Variants in NFKBID observed in about 807,000 individuals in gnomAD.
NFKBID encodes NF-kappa-B inhibitor delta.
NFKBID carries 26 observed loss-of-function variants against 53.4 expected under a neutral mutation model. The observed-to-expected ratio is 0.49, with a 90% CI of 0.36 to 0.68. The LOEUF (loss-of-function observed/expected upper bound fraction) is 0.68, where lower values mean the gene tolerates loss of function less well. Ranked by LOEUF, NFKBID falls within the 30% of genes least tolerant of loss-of-function variation. The probability of loss-of-function intolerance (pLI) is 0.00; values close to 1 mark genes in which losing one functional copy is unlikely to be tolerated. For missense variants in NFKBID, 493 were observed against 614.1 expected, an observed-to-expected ratio of 0.80 and a Z score of 2.08; for synonymous variants, 262 against 259.8, an observed-to-expected ratio of 1.01 and a Z score of -0.08.
At position 35,897,075 on chromosome 19, in the gene NFKBID, C is replaced by G. The variant is rs751327955; in HGVS notation, c.433-17G>C. 8.8e-6 allele frequency: 14 copies of G among 1,595,408 alleles called. No homozygotes were observed. Among genetic ancestry groups the G allele is most frequent in the Non-Finnish European group, 1.2e-5 (14 of 1,175,112 alleles). On this transcript the variant is annotated splice_polypyrimidine_tract_variant and intron_variant, in intron 4 of 11. Coordinates refer to ENST00000641389, the Ensembl canonical transcript of NFKBID. Reference sequence around the variant, plus strand: ...GGGTCCAGCCTGTGGCAGAGAAGATCCTACATAGAACTGGGTGTCTGGGGG... The same window carrying G: ...GGGTCCAGCCTGTGGCAGAGAAGATGCTACATAGAACTGGGTGTCTGGGGG...
intron 9 of NFKBID, among the ~76,000 whole-genome samples, chr19:35,890,905 C>T (rs558663686): frequency 3.7e-4 from 57 of 152,212 alleles, no homozygotes; most frequent in African/African-American, 1.3e-3. Context: ...CCCTCTTCTG[C>T]GAGCCCCACC....
intron 11 of NFKBID, 52 bp downstream of exon 11, chr19:35,889,838 C>G (rs543659605): frequency 6.5e-7 from 1 of 1,538,602 alleles, no homozygotes. Context: ...GAGGTCATCC[C>G]GCGCCCGCGA....
Position 35,896,041 on chromosome 19 carries a change from G to T in NFKBID, c.971C>A (p.Ala324Asp). The change falls in exon 9 of 12, where the codon GCC becomes GAC. Residue 324 changes from alanine (A) to aspartate (D), a missense_variant. Transcript: ENST00000641389. This position sits in a 1 kb window ranked among gnomAD's most constrained non-coding sequence, Gnocchi z 5.7. ...GTGGACACAATCCAGCCTGTCTCGGGCCTGTGTGCTCAGCACCCGGGGACA... is the reference window on the plus strand; with the variant it reads ...GTGGACACAATCCAGCCTGTCTCGGTCCTGTGTGCTCAGCACCCGGGGACA... 6.2e-7 allele frequency: 1 copy of T among 1,614,214 alleles called. No homozygotes were observed. Among genetic ancestry groups the T allele is most frequent in the Non-Finnish European group, 8.5e-7 (1 of 1,180,016 alleles).
intron 9 of NFKBID, chr19:35,890,833 C>T: frequency 2.8e-6 from 1 of 351,126 alleles, no homozygotes; most frequent in Non-Finnish European, 5.6e-6. Flanking sequence ...CACTGCACTC[C>T]AGCATGGGTG....
chr19:35,902,011 C>A, upstream of NFKBID: 1 of 616,244 alleles, frequency 1.6e-6, no homozygotes, highest in South Asian at 1.9e-5. Flanking sequence ...CTCACCCAGT[C>A]TTGTGGCTTT....
chr19:35,897,034 G>A (rs780952248), exon 5 of NFKBID: 5 of 1,604,734 alleles, frequency 3.1e-6, no homozygotes, highest in Non-Finnish European at 3.4e-6. Context: ...CCTGAAGGGG[G>A]TGCAGAAACT....
At position 35,896,710 on chromosome 19, in the gene NFKBID, A is replaced by G; in HGVS notation, c.684+16T>C. The G allele has an allele frequency of 6.2e-7, 1 of 1,609,368 alleles. No individual in the cohort carries two copies. The highest frequency in any genetic ancestry group is 8.5e-7 in the Non-Finnish European group (1 of 1,177,152). ...TCCTCCCCTGAACCCAGGAGAGTTC[A>G]GGCCCCAAGCCTCACCTTGCCCTTA... On this transcript the variant is annotated intron_variant, in intron 6 of 11. Transcript: ENST00000641389. This position sits in a 1 kb window ranked among gnomAD's most constrained non-coding sequence, Gnocchi z 5.7.
intron 10 of NFKBID, 58 bp from the exon 11 acceptor site, chr19:35,890,112 A>T: frequency 2.0e-6 from 3 of 1,500,318 alleles, no homozygotes; most frequent in Non-Finnish European, 2.7e-6. Context: ...CAGGCCTCTA[A>T]ACTGCACTTC....
intron 11 of NFKBID, among the ~76,000 whole-genome samples, 163 bp downstream of exon 11, chr19:35,889,727 G>A (rs1412049356): frequency 6.6e-6 from 1 of 152,156 alleles, no homozygotes; most frequent in Non-Finnish European, 1.5e-5. Context: ...ATGAAACACT[G>A]AGGTCAGAGG....
chr19:35,889,670 T>A (rs1311836996), intron 11 of NFKBID, among the ~76,000 whole-genome samples: 1 of 151,938 alleles, frequency 6.6e-6, no homozygotes, highest in African/African-American at 2.4e-5. Flanking sequence ...CACTGTGAGG[T>A]CAGGGTTGGG....
chr19:35,900,678 T>G, upstream of NFKBID: 1 of 1,222,526 alleles, frequency 8.2e-7, no homozygotes, highest in Non-Finnish European at 1.0e-6. Context: ...CGCGGCGGAC[T>G]TGGGAGGCGG....
chr19:35,897,879 G>A (rs1264688500), intron 3 of NFKBID, 23 bp from the exon 4 acceptor site: 1 of 1,501,994 alleles, frequency 6.7e-7, no homozygotes, highest in Non-Finnish European at 9.0e-7. Flanking sequence ...GGAGGGGCAG[G>A]GGCAGGTCTG....
chr19:35,893,025 C>T (rs540118400), intron 9 of NFKBID, among the ~76,000 whole-genome samples: 9 of 152,082 alleles, frequency 5.9e-5, no homozygotes, highest in South Asian at 2.1e-4. Context: ...AACAATTAGC[C>T]GGGTGAGGTG....
chr19:35,895,779 G>C (rs1296192288), intron 9 of NFKBID, among the ~76,000 whole-genome samples: 2 of 152,142 alleles, frequency 1.3e-5, no homozygotes, highest in African/African-American at 4.8e-5. Context: ...ACTCCAGCCA[G>C]GGCAACAAGA....
chr19:35,902,200 C>T, upstream of NFKBID: 1 of 703,130 alleles, frequency 1.4e-6, no homozygotes, highest in Non-Finnish European at 2.6e-6. Context: ...TACCTTTCAT[C>T]TCTGCCAGCA....
At chr19:35,898,278 G>A (rs1465591031) in intron 3 of NFKBID, among the ~76,000 whole-genome samples, 194 bp downstream of exon 3, 1 of 151,902 alleles carries the variant, frequency 6.6e-6, no homozygotes, top group Non-Finnish European at 1.5e-5. Context: ...AGCCCAGAAG[G>A]TTGAGGCTGC....
intron 9 of NFKBID, among the ~76,000 whole-genome samples, chr19:35,893,647 C>T (rs1974933507): frequency 6.6e-6 from 1 of 151,604 alleles, no homozygotes. Context: ...GGTGAAACTG[C>T]GTCTCTACTA....
rs113943306 is a variant in NFKBID at position 35,897,744 on chromosome 19, A to G, written c.339T>C (p.Ser113=). 2.0e-5 allele frequency: 32 copies of G among 1,612,654 alleles called. No individual in the cohort carries two copies. The African/African-American group carries it at 2.1e-4, about 11-fold the overall frequency. Residue 113 remains serine, a synonymous_variant, in exon 4 of 12, where the codon TCT becomes TCC. Transcript: ENST00000641389. Reference sequence around the variant, plus strand: ...AATTTTCGGCAGCAGAAGCAGGGCAAGAGTAGGGGCTGTCAGTGTAGGCAG... The same window carrying G: ...AATTTTCGGCAGCAGAAGCAGGGCAGGAGTAGGGGCTGTCAGTGTAGGCAG...
At chr19:35,895,505 C>A (rs181425565) in intron 9 of NFKBID, among the ~76,000 whole-genome samples, 31 of 151,488 alleles carry the variant, frequency 2.0e-4, no homozygotes, top group Non-Finnish European at 4.3e-4. Flanking sequence ...AAAAAACAAA[C>A]AAACAAAAAA....
Sources: gnomAD v4.1 joint callset for allele counts (sites outside exome capture counted in the v4.1 genomes callset) on GRCh38, gnomAD v4.1.1 for gene constraint, Gnocchi (gnomAD v3.1) non-coding constraint, MANE v1.5 for transcripts, NCBI Gene and HGNC (gene_info 2026-07-23, HGNC 2026-07-21) for gene names.